Variants in MAF observed in about 807,000 individuals in gnomAD.
MAF encodes the protein transcription factor Maf.
MAF carries 10 observed loss-of-function variants against 22.0 expected under a neutral mutation model. The observed-to-expected ratio is 0.45, with a 90% CI of 0.28 to 0.77. MAF has a LOEUF of 0.77. Among genes scored for constraint, MAF ranks in the 30% least tolerant of loss-of-function variants. The pLI is 0.12. For synonymous variants in MAF, 337 were observed against 255.8 expected, an observed-to-expected ratio of 1.32 and a Z score of -3.03; for missense variants, 544 against 548.4, an observed-to-expected ratio of 0.99 and a Z score of 0.08.
the MAF span, among the ~76,000 whole-genome samples, chr16:79,279,861 G>A: frequency 6.6e-6 from 1 of 152,026 alleles, no homozygotes; most frequent in African/African-American, 2.4e-5. Context: ...TAGATGATTT[G>A]GGGAAAGTCC....
At chr16:79,514,586 G>C in the MAF span, among the ~76,000 whole-genome samples, 4 of 152,142 alleles carry the variant, frequency 2.6e-5, no homozygotes, top group African/African-American at 9.7e-5. Flanking sequence ...TCTTCCAGCA[G>C]AATGACTGAA....
At chr16:79,204,561 C>T in the MAF span, 2 of 152,136 alleles carry the variant, frequency 1.3e-5, no homozygotes, top group South Asian at 2.1e-4. Context: ...ACATCGATGG[C>T]AAGAATTCTG....
At chr16:79,395,240 G>A in the MAF span, among the ~76,000 whole-genome samples, 3 of 152,192 alleles carry the variant, frequency 2.0e-5, no homozygotes, top group Non-Finnish European at 4.4e-5. Context: ...GCAAACCAAG[G>A]AGCTGGATCA....
chr16:79,358,358 G>A, the MAF span, among the ~76,000 whole-genome samples: 12 of 152,268 alleles, frequency 7.9e-5, no homozygotes, highest in South Asian at 1.2e-3. Context: ...TCCAAGGGAT[G>A]AGAACTGGAC....
At chr16:79,398,909 T>C in the MAF span, among the ~76,000 whole-genome samples, 1 of 152,162 alleles carries the variant, frequency 6.6e-6, no homozygotes, top group Non-Finnish European at 1.5e-5. Context: ...GCCCCATGGC[T>C]CCCTGGAAGA....
the MAF span, among the ~76,000 whole-genome samples, chr16:79,572,223 T>C: frequency 6.6e-6 from 1 of 151,538 alleles, no homozygotes; most frequent in Admixed American, 6.6e-5. Context: ...TGGAGGGGAG[T>C]CTGGTAGCAA....
chr16:79,405,370 C>G, the MAF span, among the ~76,000 whole-genome samples: 1 of 152,276 alleles, frequency 6.6e-6, no homozygotes, highest in East Asian at 1.9e-4. Context: ...TTCAGATGAT[C>G]TAAGAAATGA....
chr16:79,305,263 C>T, the MAF span, among the ~76,000 whole-genome samples: 29 of 152,282 alleles, frequency 1.9e-4, no homozygotes, highest in Non-Finnish European at 2.6e-4. Context: ...CAGAACCGGG[C>T]GGCCAAGCTG....
the MAF span, among the ~76,000 whole-genome samples, chr16:79,264,255 C>T: frequency 6.6e-6 from 1 of 152,198 alleles, no homozygotes; most frequent in Non-Finnish European, 1.5e-5. Context: ...TTGAAAAACT[C>T]AGGGGATTTG....
At chr16:79,451,698 T>C in the MAF span, among the ~76,000 whole-genome samples, 6 of 152,118 alleles carry the variant, frequency 3.9e-5, no homozygotes, top group Non-Finnish European at 7.4e-5. Context: ...AATATGCTCA[T>C]TGAAAAAAAA....
the MAF span, among the ~76,000 whole-genome samples, chr16:79,521,863 T>C: frequency 6.6e-6 from 1 of 152,186 alleles, no homozygotes; most frequent in African/African-American, 2.4e-5. Context: ...CACAATCCTA[T>C]GTAATAAATA....
chr16:79,437,472 A>G, the MAF span, among the ~76,000 whole-genome samples: 1 of 152,052 alleles, frequency 6.6e-6, no homozygotes, highest in African/African-American at 2.4e-5. Context: ...CAACTTCATT[A>G]AAGTCGGGCT....
chr16:79,410,432 CTA>C, the MAF span, among the ~76,000 whole-genome samples: 1 of 152,244 alleles, frequency 6.6e-6, no homozygotes, highest in Non-Finnish European at 1.5e-5. Context: ...CTCCAAATTT[CTA>C]TGAGTAAATC....
the MAF span, among the ~76,000 whole-genome samples, chr16:79,355,920 G>C: frequency 6.6e-6 from 1 of 152,090 alleles, no homozygotes; most frequent in East Asian, 1.9e-4. Flanking sequence ...ATAAGATTCT[G>C]AACAACCAGA....
chr16:79,479,086 T>C, the MAF span, among the ~76,000 whole-genome samples: 5 of 151,858 alleles, frequency 3.3e-5, no homozygotes, highest in Non-Finnish European at 5.9e-5. Context: ...TATAGCATTC[T>C]AGTGCACCCG....
intron 1 of MAF, chr16:79,598,258 T>C: frequency 1.9e-6 from 2 of 1,040,262 alleles, no homozygotes; most frequent in Non-Finnish European, 2.3e-6. Flanking sequence ...GCTCTAAAAG[T>C]AAAATTAAAA....
At chr16:79,498,222 G>A in the MAF span, among the ~76,000 whole-genome samples, 1 of 152,150 alleles carries the variant, frequency 6.6e-6, no homozygotes, top group Non-Finnish European at 1.5e-5. Flanking sequence ...TAGATCAAGA[G>A]GCAGCAAACT....
At chr16:79,587,859 T>C (rs894760552) in intron 1 of MAF, among the ~76,000 whole-genome samples, 1 of 110,538 alleles carries the variant, frequency 9.0e-6, no homozygotes, top group African/African-American at 3.5e-5. Flanking sequence ...TCAAAGCATT[T>C]ACTTTCAAAA....
the MAF span, among the ~76,000 whole-genome samples, chr16:79,237,111 C>G: frequency 6.6e-6 from 1 of 151,974 alleles, no homozygotes. Flanking sequence ...AAAATGTTTT[C>G]AAAGATTTCC....
Sources: gnomAD v4.1 joint callset for allele counts (sites outside exome capture counted in the v4.1 genomes callset) on GRCh38, gnomAD v4.1.1 for gene constraint, MANE v1.5 for transcripts, NCBI Gene and HGNC (gene_info 2026-07-23, HGNC 2026-07-21) for gene names.